Variants in SCTR observed in about 807,000 individuals in gnomAD.
SCTR encodes the protein secretin receptor.
SCTR carries 56 observed loss-of-function variants against 60.8 expected under a neutral mutation model. The ratio of observed to expected loss-of-function variants is 0.92; its 90% CI spans 0.74 to 1.15. The LOEUF is 1.15. Among genes scored for constraint, SCTR ranks in the 50% most tolerant of loss-of-function variants. The probability of loss-of-function intolerance (pLI) is 0.00; values close to 1 mark genes in which losing one functional copy is unlikely to be tolerated. For missense variants in SCTR, 562 were observed against 550.4 expected (o/e 1.02, Z -0.21); for synonymous variants, 202 against 217.0 (o/e 0.93, Z 0.61).
chr2:119,524,370 C>G lies in SCTR; in HGVS notation c.-144G>C, dbSNP rs1246259702. 2.1e-6 allele frequency: 1 copy of G among 474,780 alleles called. No individual in the cohort carries two copies. Among genetic ancestry groups the G allele is most frequent in the Non-Finnish European group, 3.5e-6 (1 of 287,894 alleles). 29.4% of individuals were successfully genotyped at this position (474,780 alleles called of 1,614,324 possible). On this transcript the variant is annotated 5_prime_UTR_variant, in exon 1 of 13. Transcript: ENST00000019103. ...AGCCATGGCTGAGCCACCCGACCTG[C>G]GGCGGGCCCCGGGACTGCTCCTCCT... is the stretch of plus-strand genomic sequence containing the variant.
chr2:119,451,236 G>A (rs1683153198), intron 9 of SCTR, among the ~76,000 whole-genome samples: 1 of 151,990 alleles, frequency 6.6e-6, no homozygotes, highest in Non-Finnish European at 1.5e-5. Flanking sequence ...TTCCAGCCAA[G>A]GGACTGCTTC....
intron 3 of SCTR, among the ~76,000 whole-genome samples, chr2:119,474,709 G>T (rs1677192565): frequency 6.6e-6 from 1 of 152,210 alleles, no homozygotes; most frequent in Non-Finnish European, 1.5e-5. Context: ...ACTGAAGGAG[G>T]TGCTGCTGCC....
At chr2:119,441,699 C>CTG in intron 11 of SCTR, 100 bp from the exon 12 acceptor site, 5 of 1,003,648 alleles carry the variant, frequency 5.0e-6, no homozygotes, top group Non-Finnish European at 7.7e-6. Flanking sequence ...TAATCACCAG[C>CTG]TACAGGCTCA....
rs1231004354 is a variant in SCTR, at chr2:119,453,340, T to G, written c.798A>C (p.Pro266=). The change falls in exon 8 of 13, where the codon CCA becomes CCC. Residue 266 remains proline (P), a synonymous_variant. Transcript: ENST00000019103. The part of the protein sequence containing the change: ...QGFVAFGWGS[P]AIFVALWAIA... ...TAGCCCACAAAGCAACAAAAATGGC[T>G]GGAGAACCTGAGGATTAAAAACAAA... 1 of 1,613,458 alleles carries G rather than the reference T, an allele frequency of 6.2e-7. No homozygotes were observed. The highest frequency in any genetic ancestry group is 1.7e-5 in the Admixed American group (1 of 60,010).
intron 3 of SCTR, among the ~76,000 whole-genome samples, chr2:119,474,996 C>T (rs941410439): frequency 2.0e-5 from 3 of 152,196 alleles, no homozygotes; most frequent in Non-Finnish European, 4.4e-5. Flanking sequence ...TTTCTCTGTG[C>T]CACAAAATAA....
chr2:119,472,713 C>T (rs1380134168), intron 4 of SCTR, among the ~76,000 whole-genome samples: 1 of 152,180 alleles, frequency 6.6e-6, no homozygotes, highest in Non-Finnish European at 1.5e-5. Flanking sequence ...ACAATCACTG[C>T]TCACTGCATC....
chr2:119,494,629 C>A (rs1678278972), intron 1 of SCTR, 81 bp from the exon 2 acceptor site: 9 of 1,450,178 alleles, frequency 6.2e-6, no homozygotes, highest in Admixed American at 5.2e-5. Context: ...CAAGACAATG[C>A]AGATTCAATG....
At chr2:119,452,127 C>T (rs147368223) in intron 8 of SCTR, 48 bp from the exon 9 acceptor site, 1 of 1,182,746 alleles carries the variant, frequency 8.5e-7, no homozygotes, top group Non-Finnish European at 1.3e-6. Context: ...GCTGTGGGAG[C>T]TGGGCTAACC....
At chr2:119,520,507 C>T (rs567175676) in intron 1 of SCTR, among the ~76,000 whole-genome samples, 10 of 152,286 alleles carry the variant, frequency 6.6e-5, no homozygotes, top group East Asian at 1.9e-4. Context: ...CTGCAGGCAA[C>T]GCTTGCAGGC....
At chr2:119,523,150 C>G (rs753835205) in intron 1 of SCTR, among the ~76,000 whole-genome samples, 19 of 152,084 alleles carry the variant, frequency 1.2e-4, no homozygotes, top group Non-Finnish European at 2.6e-4. Flanking sequence ...TCAGTTGGGT[C>G]CCCAAGCGCG....
chr2:119,483,943 T>C (rs1036645780), intron 2 of SCTR, among the ~76,000 whole-genome samples: 1 of 151,656 alleles, frequency 6.6e-6, no homozygotes, highest in African/African-American at 2.4e-5. Context: ...GACTCCCCAG[T>C]CCCCCAAGCC....
Position 119,439,878 on chromosome 2 carries a change from C to A in SCTR, c.*239G>T. On this transcript the variant is annotated 3_prime_UTR_variant, in exon 13 of 13. Coordinates refer to ENST00000019103, the MANE Select transcript of SCTR (RefSeq NM_002980.3). ...TCCCAGGCACCATTTATTTCCCTGT[C>A]CCTTTCTGGGACCCCTGAACTTCTC... 1 of 503,274 alleles carries A rather than the reference C, an allele frequency of 2.0e-6. No homozygotes were observed. The highest frequency in any genetic ancestry group is 3.5e-6 in the Non-Finnish European group (1 of 284,126). The allele number at this position is 503,274 out of a possible 1,614,324, so 31.2% of individuals were successfully genotyped here.
At chr2:119,445,610 A>G (rs1270931109) in intron 11 of SCTR, among the ~76,000 whole-genome samples, 1 of 152,192 alleles carries the variant, frequency 6.6e-6, no homozygotes, top group Non-Finnish European at 1.5e-5. Context: ...ACCCCAGTGA[A>G]AGCTTGGCTG....
chr2:119,492,850 A>G (rs1311094395), intron 2 of SCTR, among the ~76,000 whole-genome samples: 2 of 149,028 alleles, frequency 1.3e-5, no homozygotes, highest in African/African-American at 4.9e-5. Flanking sequence ...TTATTTATTT[A>G]TTTATTTATT....
intron 2 of SCTR, among the ~76,000 whole-genome samples, chr2:119,483,070 C>T (rs1401009931): frequency 1.3e-5 from 2 of 152,228 alleles, no homozygotes; most frequent in Non-Finnish European, 2.9e-5. Flanking sequence ...GCCAGGGTAC[C>T]AGCCGCAGGC....
chr2:119,474,841 G>C (rs1677198802), intron 3 of SCTR, among the ~76,000 whole-genome samples: 2 of 152,252 alleles, frequency 1.3e-5, no homozygotes, highest in Admixed American at 1.3e-4. Context: ...GCAGCGTCTA[G>C]GACCAGGAGA....
At chr2:119,524,121 G>A (rs1424094628) in intron 1 of SCTR, 34 bp downstream of exon 1, 2 of 1,523,918 alleles carry the variant, frequency 1.3e-6, no homozygotes, top group Admixed American at 2.0e-5. Context: ...TCGCTCCCTC[G>A]GGTCCCCAGC....
In SCTR at chr2:119,524,412, G is replaced by A; in HGVS notation, c.-186C>T. On this transcript the variant is annotated 5_prime_UTR_variant, in exon 1 of 13. Transcript: ENST00000019103. Reference sequence around the variant, plus strand: ...GCTCCTCCTCGGACCAGGTGGCCGCGCGCGCTAAGCCGCCCGCCCCATTGA... The same window carrying A: ...GCTCCTCCTCGGACCAGGTGGCCGCACGCGCTAAGCCGCCCGCCCCATTGA... 1 of 387,922 alleles carries A rather than the reference G, an allele frequency of 2.6e-6. No individual in the cohort carries two copies. The highest frequency in any genetic ancestry group is 4.5e-6 in the Non-Finnish European group (1 of 221,398). The allele number at this position is 387,922 out of a possible 1,614,324, so 24.0% of individuals were successfully genotyped here. A position where few individuals can be genotyped will look rare whatever the true frequency, so the allele number is the denominator to read the frequency against.
chr2:119,521,944 C>T (rs537560074), intron 1 of SCTR, among the ~76,000 whole-genome samples: 2 of 152,266 alleles, frequency 1.3e-5, no homozygotes, highest in East Asian at 1.9e-4. Context: ...CCAAGGACCA[C>T]GACTTATACA....
Sources: gnomAD v4.1 joint callset for allele counts (sites outside exome capture counted in the v4.1 genomes callset) on GRCh38, gnomAD v4.1.1 for gene constraint, MANE v1.5 for transcripts, NCBI Gene and HGNC (gene_info 2026-07-23, HGNC 2026-07-21) for gene names.